ANK2: variants seen among roughly 807,000 people sequenced by gnomAD.
ANK2 encodes ankyrin 2, also known as ankyrin-2.
Under a neutral mutation model 360.5 loss-of-function variants are expected in ANK2, and 83 were observed. That is an observed-to-expected ratio of 0.23 (90% CI 0.19 to 0.28). ANK2 has a LOEUF of 0.28. Ranked by LOEUF, ANK2 falls within the 10% of genes least tolerant of loss-of-function variation. ANK2 has a pLI of 1.00. For synonymous variants in ANK2, 1,740 were observed against 1,759.5 expected (o/e 0.99, Z 0.28); for missense variants, 4,201 against 4,795.7 (o/e 0.88, Z 3.66).
At chr4:113,340,675 C>T (rs1563895775) in intron 32 of ANK2, among the ~76,000 whole-genome samples, 2 of 151,810 alleles carry the variant, frequency 1.3e-5, no homozygotes, top group Non-Finnish European at 2.9e-5. Flanking sequence ...CCAGCCTGGG[C>T]GACAGAGACG....
At chr4:113,171,603 G>T (rs993931794) in intron 1 of ANK2, among the ~76,000 whole-genome samples, 1 of 152,150 alleles carries the variant, frequency 6.6e-6, no homozygotes, top group African/African-American at 2.4e-5. Flanking sequence ...TGACTCAACT[G>T]CTGAAGTGGT....
intron 1 of ANK2, among the ~76,000 whole-genome samples, chr4:112,819,798 A>T (rs567577255): frequency 6.6e-6 from 1 of 152,270 alleles, no homozygotes; most frequent in South Asian, 2.1e-4. Flanking sequence ...GTGAAGCTAT[A>T]TTCATCTTGG....
upstream of ANK2, among the ~76,000 whole-genome samples, chr4:112,815,798 CAT>C (rs938874410): frequency 1.2e-4 from 19 of 152,332 alleles, no homozygotes; most frequent in African/African-American, 4.6e-4. Context: ...AATGTATCCA[CAT>C]GTTGGGACCA....
the ANK2 span, among the ~76,000 whole-genome samples, chr4:112,804,445 A>T: frequency 6.6e-6 from 1 of 152,218 alleles, no homozygotes; most frequent in Non-Finnish European, 1.5e-5. Context: ...TGGCATTAGC[A>T]CTGCATTTCA....
chr4:112,730,622 G>C, the ANK2 span, among the ~76,000 whole-genome samples: 1 of 109,346 alleles, frequency 9.1e-6, no homozygotes. Flanking sequence ...GGGCAACAAA[G>C]TGAGACTCCA....
chr4:112,864,016 TG>T (rs2069229761), intron 1 of ANK2, among the ~76,000 whole-genome samples: 1 of 152,108 alleles, frequency 6.6e-6, no homozygotes, highest in Non-Finnish European at 1.5e-5. Flanking sequence ...GGCTTACATT[TG>T]GGTGGGAATA....
At chr4:112,725,622 A>C in the ANK2 span, among the ~76,000 whole-genome samples, 4 of 152,076 alleles carry the variant, frequency 2.6e-5, no homozygotes, top group African/African-American at 9.7e-5. Context: ...AGCCTCCCAA[A>C]GTGCTGGGAT....
chr4:112,833,082 T>G (rs1216929385), intron 1 of ANK2, among the ~76,000 whole-genome samples: 1 of 152,214 alleles, frequency 6.6e-6, no homozygotes, highest in African/African-American at 2.4e-5. Context: ...TGAAAGGTGG[T>G]CTTACTTTCA....
At chr4:113,349,172 G>C (rs1288092040) in intron 36 of ANK2, among the ~76,000 whole-genome samples, 1 of 152,074 alleles carries the variant, frequency 6.6e-6, no homozygotes, top group Non-Finnish European at 1.5e-5. Context: ...TGAATAAATA[G>C]CTGTATGAAT....
chr4:113,175,824 T>C (rs1364912259), intron 2 of ANK2, among the ~76,000 whole-genome samples: 1 of 152,166 alleles, frequency 6.6e-6, no homozygotes, highest in Admixed American at 6.5e-5. Context: ...TAAAGAGCAT[T>C]GTCACTGATG....
intron 31 of ANK2, 115 bp downstream of exon 31, chr4:113,336,896 G>A: frequency 1.0e-6 from 1 of 985,046 alleles, no homozygotes; most frequent in Non-Finnish European, 1.6e-6. Flanking sequence ...CATTAATTCA[G>A]GGAATACATT....
intron 1 of ANK2, among the ~76,000 whole-genome samples, chr4:112,874,113 G>A (rs1310095419): frequency 2.3e-5 from 3 of 128,480 alleles, no homozygotes; most frequent in Non-Finnish European, 4.7e-5. Context: ...TCAGAGTCTC[G>A]CACTGTCTCC....
At chr4:112,749,231 G>A in the ANK2 span, among the ~76,000 whole-genome samples, 1 of 152,168 alleles carries the variant, frequency 6.6e-6, no homozygotes, top group Non-Finnish European at 1.5e-5. Flanking sequence ...CTTTGATCAA[G>A]CATGCATCCT....
At chr4:113,076,337 T>G (rs2079959941) in intron 1 of ANK2, among the ~76,000 whole-genome samples, 1 of 152,260 alleles carries the variant, frequency 6.6e-6, no homozygotes, top group African/African-American at 2.4e-5. Context: ...GGCATTGTAT[T>G]CTTAGGAATT....
At chr4:113,028,781 C>G (rs550760580) in intron 2 of ANK2, among the ~76,000 whole-genome samples, 9 of 152,024 alleles carry the variant, frequency 5.9e-5, no homozygotes, top group Non-Finnish European at 8.8e-5. Context: ...TCTGAGACAA[C>G]AAAAAATGCG....
intron 23 of ANK2, among the ~76,000 whole-genome samples, chr4:113,310,012 A>G (rs1279042375): frequency 6.6e-6 from 1 of 152,184 alleles, no homozygotes; most frequent in Non-Finnish European, 1.5e-5. Flanking sequence ...CTTCAGATGT[A>G]GAGTCATTCC....
At chr4:113,277,405 A>G (rs1238447438) in intron 15 of ANK2, among the ~76,000 whole-genome samples, 1 of 152,222 alleles carries the variant, frequency 6.6e-6, no homozygotes, top group Non-Finnish European at 1.5e-5. Flanking sequence ...ATATCCTAAA[A>G]TTTAAATGAA....
At chr4:113,333,330 GTCCCT>G in intron 29 of ANK2, 122 bp downstream of exon 29, 63 of 1,199,490 alleles carry the variant, frequency 5.3e-5, no homozygotes, top group Non-Finnish European at 7.2e-5. Context: ...GTGTGTGTGT[GTCCCT>G]TGTGGTATTT....
At chr4:113,126,046 T>G (rs958372925) in intron 1 of ANK2, among the ~76,000 whole-genome samples, 1 of 152,208 alleles carries the variant, frequency 6.6e-6, no homozygotes, top group Non-Finnish European at 1.5e-5. Flanking sequence ...ATGGTTGTTT[T>G]GTATTTCAGA....
Sources: gnomAD v4.1 joint callset for allele counts (sites outside exome capture counted in the v4.1 genomes callset) on GRCh38, gnomAD v4.1.1 for gene constraint, MANE v1.5 for transcripts, NCBI Gene and HGNC (gene_info 2026-07-23, HGNC 2026-07-21) for gene names.